Variants in SVEP1 observed in about 807,000 individuals in gnomAD.
SVEP1 encodes sushi, von Willebrand factor type A, EGF and pentraxin domain-containing protein 1.
Under a neutral mutation model 367.3 loss-of-function variants are expected in SVEP1, and 164 were observed. That is an observed-to-expected ratio of 0.45 (90% CI 0.39 to 0.51). The LOEUF (loss-of-function observed/expected upper bound fraction) is 0.51, where lower values mean the gene tolerates loss of function less well. SVEP1 is among the 20% of genes least tolerant of loss of function. The pLI is 0.00. For synonymous variants in SVEP1, 1,666 were observed against 1,611.6 expected, an observed-to-expected ratio of 1.03 and a Z score of -0.81; for missense variants, 4,117 against 4,425.3, an observed-to-expected ratio of 0.93 and a Z score of 1.98.
At chr9:110,560,036 T>C (rs951517008) in intron 1 of SVEP1, among the ~76,000 whole-genome samples, 30 of 152,186 alleles carry the variant, frequency 2.0e-4, no homozygotes, top group African/African-American at 7.0e-4. Context: ...TAGTCATGTA[T>C]ACACTCATGT....
chr9:110,477,746 C>G (rs932564907), intron 13 of SVEP1, among the ~76,000 whole-genome samples: 5 of 152,114 alleles, frequency 3.3e-5, no homozygotes, highest in Admixed American at 2.0e-4. Context: ...GCAAGTCCTA[C>G]TGAATCTACT....
intron 47 of SVEP1, among the ~76,000 whole-genome samples, chr9:110,367,781 T>C (rs755108821): frequency 8.5e-5 from 13 of 152,148 alleles, no homozygotes; most frequent in Non-Finnish European, 1.5e-4. Context: ...TAAAAAATTC[T>C]GTAAGAAATT....
chr9:110,577,630 TAAC>T (rs1339788928), intron 1 of SVEP1, among the ~76,000 whole-genome samples: 1 of 152,090 alleles, frequency 6.6e-6, no homozygotes, highest in Non-Finnish European at 1.5e-5. Flanking sequence ...ACCATTCATC[TAAC>T]AACATTTCCA....
intron 3 of SVEP1, among the ~76,000 whole-genome samples, chr9:110,526,167 A>G (rs1248197632): frequency 6.6e-6 from 1 of 152,178 alleles, no homozygotes; most frequent in Non-Finnish European, 1.5e-5. Context: ...ATTCATAGAA[A>G]TAAAATTGAT....
chr9:110,555,223 A>G (rs1344682421), intron 1 of SVEP1, among the ~76,000 whole-genome samples: 1 of 145,012 alleles, frequency 6.9e-6, no homozygotes, highest in East Asian at 2.1e-4. Flanking sequence ...GAAGTGGGGA[A>G]AAAAAAAAAA....
At chr9:110,373,848 G>A (rs756955562) in intron 46 of SVEP1, among the ~76,000 whole-genome samples, 12 of 152,116 alleles carry the variant, frequency 7.9e-5, no homozygotes, top group Non-Finnish European at 1.6e-4. Flanking sequence ...AAAGTATAGT[G>A]GGCCAAATGC....
At chr9:110,368,452 T>C (rs1457028757) in intron 47 of SVEP1, among the ~76,000 whole-genome samples, 1 of 152,210 alleles carries the variant, frequency 6.6e-6, no homozygotes, top group Non-Finnish European at 1.5e-5. Flanking sequence ...GATGCCTATA[T>C]CAAACTTTTG....
At chr9:110,385,084 G>A (rs1239860084) in intron 43 of SVEP1, among the ~76,000 whole-genome samples, 11 of 152,144 alleles carry the variant, frequency 7.2e-5, no homozygotes, top group African/African-American at 2.7e-4. Context: ...AGGTTCAAGA[G>A]ATTTTCCTAC....
chr9:110,489,703 G>A lies in SVEP1; in HGVS notation c.1877C>T (p.Ala626Val). 3 of 1,613,580 alleles carry A rather than the reference G, an allele frequency of 1.9e-6. No homozygotes were observed. The highest frequency in any genetic ancestry group is 2.5e-6 in the Non-Finnish European group (3 of 1,179,620). Residue 626 changes from alanine to valine, a missense_variant, in exon 9 of 48, where the codon GCA (alanine) becomes GTA (valine). By Grantham distance (64) the Ala-to-Val change is moderately conservative (BLOSUM62 0). Transcript: ENST00000374469. Reference protein sequence around the residue: ...PIGDVAIVYTATDLSGNQASC... With the variant: ...PIGDVAIVYTVTDLSGNQASC... ...GGCCTGGTTGCCGGATAGGTCAGTTGCCGTGTATACGATAGCAACATCTCC... is the reference window on the plus strand; with the variant it reads ...GGCCTGGTTGCCGGATAGGTCAGTTACCGTGTATACGATAGCAACATCTCC...
At chr9:110,542,987 T>C (rs973618088) in intron 3 of SVEP1, among the ~76,000 whole-genome samples, 36 of 147,920 alleles carry the variant, frequency 2.4e-4, no homozygotes, top group African/African-American at 7.8e-4. Context: ...TATATATATA[T>C]ATATAAAATA....
At chr9:110,393,560 A>T (rs1173088776) in intron 40 of SVEP1, among the ~76,000 whole-genome samples, 2 of 152,228 alleles carry the variant, frequency 1.3e-5, no homozygotes, top group Non-Finnish European at 2.9e-5. Flanking sequence ...AGAATGAGGC[A>T]TCGCCTCACC....
At chr9:110,447,924 C>A (rs1057281147) in intron 24 of SVEP1, among the ~76,000 whole-genome samples, 1 of 151,614 alleles carries the variant, frequency 6.6e-6, no homozygotes, top group Admixed American at 6.6e-5. Context: ...CCAAATGTAA[C>A]CTCCTTGATA....
rs763723384 is a variant in SVEP1, at chr9:110,579,280, C to A, written c.264G>T (p.Val88=). Residue 88 remains valine, a synonymous_variant, in exon 1 of 48, where the codon GTG becomes GTT. Coordinates refer to ENST00000374469, the MANE Select transcript of SVEP1 (RefSeq NM_153366.4). This position sits in a 1 kb window ranked among gnomAD's most constrained non-coding sequence, Gnocchi z 5.3. ...CTTCGCCCACGCTGGACGAATCATC[C>A]ACCAGGAAGACAAGCTCCAGGCGCT... ...LSERLELVFL[V]DDSSSVGEVN... is the part of the protein sequence containing the mutation. The A allele has an allele frequency of 6.4e-7, 1 of 1,573,746 alleles. No homozygotes were observed. Among genetic ancestry groups the A allele is most frequent in the African/African-American group, 1.4e-5 (1 of 74,060 alleles).
At chr9:110,386,602 T>C (rs868616857) in intron 42 of SVEP1, among the ~76,000 whole-genome samples, 18 of 152,176 alleles carry the variant, frequency 1.2e-4, no homozygotes, top group South Asian at 2.1e-4. Flanking sequence ...CTAGTGGAGT[T>C]TGCATGTTTT....
intron 40 of SVEP1, among the ~76,000 whole-genome samples, chr9:110,396,306 C>T (rs955602196): frequency 2.7e-5 from 4 of 150,678 alleles, no homozygotes; most frequent in African/African-American, 9.7e-5. Flanking sequence ...CCAATGAGAA[C>T]AAAGACACAA....
At chr9:110,506,404 G>T (rs1829627162) in intron 5 of SVEP1, among the ~76,000 whole-genome samples, 1 of 152,212 alleles carries the variant, frequency 6.6e-6, no homozygotes. Context: ...CACAGCAAAA[G>T]AAACTTTCAT....
chr9:110,484,944 AC>A (rs1374328511), intron 9 of SVEP1, among the ~76,000 whole-genome samples: 2 of 152,182 alleles, frequency 1.3e-5, no homozygotes, highest in Non-Finnish European at 2.9e-5. Flanking sequence ...ACAGATGCTA[AC>A]AAGGCTGTGA....
intron 1 of SVEP1, among the ~76,000 whole-genome samples, chr9:110,564,429 G>A (rs1830465729): frequency 6.6e-6 from 1 of 152,108 alleles, no homozygotes; most frequent in Non-Finnish European, 1.5e-5. Context: ...AAATACTTAG[G>A]CTTCAGCAAC....
intron 20 of SVEP1, chr9:110,458,012 CTTAAT>C (rs757058825): frequency 1.1e-4 from 43 of 407,186 alleles, no homozygotes; most frequent in Non-Finnish European, 7.6e-5. Context: ...TAGCTATATT[CTTAAT>C]TTATGTTTCT....
Sources: gnomAD v4.1 joint callset for allele counts (sites outside exome capture counted in the v4.1 genomes callset) on GRCh38, gnomAD v4.1.1 for gene constraint, Gnocchi (gnomAD v3.1) non-coding constraint, MANE v1.5 for transcripts, NCBI Gene and HGNC (gene_info 2026-07-23, HGNC 2026-07-21) for gene names.